The following ATAD2 variants were observed in gnomAD, a reference collection of about 807,000 sequenced individuals.
ATAD2 encodes ATPase family AAA domain containing 2.
Under a neutral mutation model 168.9 loss-of-function variants are expected in ATAD2, and 62 were observed. The observed-to-expected ratio is 0.37, with a 90% confidence interval of 0.30 to 0.45. The LOEUF (loss-of-function observed/expected upper bound fraction) is 0.45, where lower values mean the gene tolerates loss of function less well. Ranked by LOEUF, ATAD2 falls within the 20% of genes least tolerant of loss-of-function variation. The probability of loss-of-function intolerance (pLI) is 1.00; values close to 1 mark genes in which losing one functional copy is unlikely to be tolerated. For synonymous variants in ATAD2, 613 were observed against 571.6 expected, an observed-to-expected ratio of 1.07 and a Z score of -1.03; for missense variants, 1,419 against 1,667.8, an observed-to-expected ratio of 0.85 and a Z score of 2.60.
At chr8:123,374,645 A>G (rs1563857743) in intron 2 of ATAD2, among the ~76,000 whole-genome samples, 1 of 152,200 alleles carries the variant, frequency 6.6e-6, no homozygotes, top group Non-Finnish European at 1.5e-5. Flanking sequence ...TTAAGCTTGG[A>G]AGCCATACAG....
chr8:123,324,712 T>C (rs1408891467), intron 26 of ATAD2, among the ~76,000 whole-genome samples: 1 of 152,206 alleles, frequency 6.6e-6, no homozygotes, highest in African/African-American at 2.4e-5. Flanking sequence ...TAGTGTCAAG[T>C]GTTACAGATA....
intron 1 of ATAD2, among the ~76,000 whole-genome samples, chr8:123,415,812 C>G (rs1813258117): frequency 6.6e-6 from 1 of 152,222 alleles, no homozygotes; most frequent in Non-Finnish European, 1.5e-5. Flanking sequence ...CCAGGCTCGT[C>G]TCGAACCCCT....
At chr8:123,408,719 G>A (rs1813105389) in intron 1 of ATAD2, among the ~76,000 whole-genome samples, 1 of 152,190 alleles carries the variant, frequency 6.6e-6, no homozygotes, top group Non-Finnish European at 1.5e-5. Context: ...GTTTCACCAT[G>A]TTGGCCAGGC....
At chr8:123,338,939 G>A (rs28522984) in intron 20 of ATAD2, among the ~76,000 whole-genome samples, 1,976 of 152,174 alleles carry the variant, frequency 0.013, 22 homozygotes, top group Non-Finnish European at 0.022. Context: ...CAGAGATGGG[G>A]GATAGAGATA....
rs746732867 is a variant in ATAD2, at chr8:123,346,309, A to G, written c.2346-37T>C. On this transcript the variant is annotated intron_variant, in intron 17 of 27. Transcript: ENST00000287394. Reference sequence around the variant, plus strand: ...ATGATTAATAAGCTATGTTTTAGAAAAAACAGTTTAAATTTTCCCCCTAAA... The same window carrying G: ...ATGATTAATAAGCTATGTTTTAGAAGAAACAGTTTAAATTTTCCCCCTAAA... 4.0e-6 allele frequency: 6 copies of G among 1,499,872 alleles called. No homozygotes were observed. In the East Asian group the frequency reaches 1.4e-4, roughly 36 times the overall value. 92.9% of individuals were successfully genotyped at this position (1,499,872 alleles called of 1,614,324 possible). A position where few individuals can be genotyped will look rare whatever the true frequency, so the allele number is the denominator to read the frequency against.
At chr8:123,389,814 G>A (rs1829763782) in intron 1 of ATAD2, among the ~76,000 whole-genome samples, 1 of 148,238 alleles carries the variant, frequency 6.7e-6, no homozygotes. Context: ...TAGGAATCTA[G>A]AATACTTAGT....
chr8:123,344,761 T>A (rs1024831534), intron 19 of ATAD2, 123 bp downstream of exon 19: 1 of 1,073,670 alleles, frequency 9.3e-7, no homozygotes, highest in East Asian at 2.6e-5. Context: ...AATGGTATAT[T>A]TGATAAGAAA....
At chr8:123,332,261 C>T (rs996704996) in intron 24 of ATAD2, among the ~76,000 whole-genome samples, 1 of 152,028 alleles carries the variant, frequency 6.6e-6, no homozygotes, top group Non-Finnish European at 1.5e-5. Flanking sequence ...CATATGTGGA[C>T]CTGTGTACCT....
At chr8:123,410,619 A>G (rs1484582773) in intron 1 of ATAD2, among the ~76,000 whole-genome samples, 1 of 152,114 alleles carries the variant, frequency 6.6e-6, no homozygotes, top group African/African-American at 2.4e-5. Flanking sequence ...TTTTCAATCT[A>G]AAAAGTAATT....
chr8:123,401,811 T>A (rs1813007647), intron 1 of ATAD2: 1 of 756,764 alleles, frequency 1.3e-6, no homozygotes, highest in Non-Finnish European at 2.4e-6. Flanking sequence ...GGCACAGGCT[T>A]GCTGGATGCC....
chr8:123,389,337 G>A (rs1829741781), intron 1 of ATAD2, among the ~76,000 whole-genome samples: 1 of 147,838 alleles, frequency 6.8e-6, no homozygotes, highest in Non-Finnish European at 1.5e-5. Context: ...TAGCAATTCT[G>A]GCATAAAACT....
intron 7 of ATAD2, 110 bp from the exon 8 acceptor site, chr8:123,369,285 C>T (rs3857956): frequency 0.97 from 295,572 of 304,644 alleles, 143,424 homozygotes; most frequent in East Asian, 1. Context: ...AGGTGCTTAT[C>T]GCCTTCCATG....
chr8:123,393,630 A>G (rs1325941912), intron 1 of ATAD2, among the ~76,000 whole-genome samples: 6 of 152,056 alleles, frequency 3.9e-5, no homozygotes, highest in African/African-American at 1.4e-4. Context: ...TAATCCAGGA[A>G]AGATGGTCAG....
chr8:123,325,742 G>A (rs1173465388), intron 26 of ATAD2, 151 bp downstream of exon 26: 12 of 1,006,772 alleles, frequency 1.2e-5, no homozygotes, highest in Non-Finnish European at 1.6e-5. Context: ...TGGAACAGGG[G>A]AAGGAGAAGA....
At chr8:123,401,321 T>C (rs1563871336), upstream of ATAD2, 3 of 1,357,236 alleles carry the variant, frequency 2.2e-6, no homozygotes, top group Non-Finnish European at 3.2e-6. Flanking sequence ...GGGGCAGCTG[T>C]GGGCACCTGT....
intron 20 of ATAD2, 30 bp downstream of exon 20, chr8:123,339,281 T>C (rs1230185759): frequency 6.8e-7 from 1 of 1,462,844 alleles, no homozygotes; most frequent in East Asian, 2.3e-5. Flanking sequence ...CTCAAAATTA[T>C]TAAATATTAA....
chr8:123,346,644 G>A lies in ATAD2; in HGVS notation c.2319C>T (p.Asp773=), dbSNP rs767451106. Residue 773 remains aspartate, a synonymous_variant, in exon 17 of 28, where the codon GAC becomes GAT. Transcript: ENST00000287394. ...TATTCAAATGAAGAAAATTAAAATT[G>A]TCTTTTGCCTTATGAGAAGATTTCT... ...LSQKSSHKAK[D]NFNFLHLNRN... 6.4e-7 allele frequency: 1 copy of A among 1,574,292 alleles called. No homozygotes were observed. The highest frequency in any genetic ancestry group is 1.2e-5 in the South Asian group (1 of 83,312).
At chr8:123,370,059 C>T in intron 6 of ATAD2, 35 bp from the exon 7 acceptor site, 2 of 1,581,490 alleles carry the variant, frequency 1.3e-6, no homozygotes, top group Non-Finnish European at 8.6e-7. Flanking sequence ...CAGAAAGATA[C>T]TCAGCAAAAT....
chr8:123,328,226 G>T lies in ATAD2; in HGVS notation c.3832C>A (p.Gln1278Lys). The T allele has an allele frequency of 1.4e-6, 2 of 1,432,654 alleles. No homozygotes were observed. Among genetic ancestry groups the T allele is most frequent in the South Asian group, 1.8e-5 (1 of 56,130 alleles). 88.7% of individuals were successfully genotyped at this position (1,432,654 alleles called of 1,614,324 possible). The change falls in exon 25 of 28, where the codon CAG becomes AAG. Residue 1278 changes from glutamine (Q) to lysine (K), a missense_variant. This residue lies in a region of ATAD2 where 303 missense variants were observed against 304.3 expected (regional missense o/e 1.00). Coordinates refer to ENST00000287394, the MANE Select transcript of ATAD2 (RefSeq NM_014109.4). Reference protein sequence around the residue: ...IACNGDASSSQIIHISDENEG... With the variant: ...IACNGDASSSKIIHISDENEG... ...TTTTCATCAGAAATATGTATTATCT[G>T]AGAGCTAGAAGCATCTCCATTACAA... is the stretch of plus-strand genomic sequence containing the variant.
Sources: gnomAD v4.1 joint callset for allele counts (sites outside exome capture counted in the v4.1 genomes callset) on GRCh38, gnomAD v4.1.1 for gene constraint, gnomAD v4.1.1 regional missense constraint, MANE v1.5 for transcripts, NCBI Gene and HGNC (gene_info 2026-07-23, HGNC 2026-07-21) for gene names.